The following CTNNA2 variants were observed in gnomAD, a reference collection of about 807,000 sequenced individuals.
CTNNA2 encodes the protein catenin alpha 2.
CTNNA2 carries 42 observed loss-of-function variants against 101.0 expected under a neutral mutation model. That is an observed-to-expected ratio of 0.42 (90% CI 0.32 to 0.54). The LOEUF (loss-of-function observed/expected upper bound fraction) is 0.54, where lower values mean the gene tolerates loss of function less well. CTNNA2 is among the 20% of genes least tolerant of loss of function. CTNNA2 has a pLI of 0.14. For synonymous variants in CTNNA2, 450 were observed against 456.4 expected, an observed-to-expected ratio of 0.99 and a Z score of 0.18; for missense variants, 871 against 1,223.1, an observed-to-expected ratio of 0.71 and a Z score of 4.29.
intron 7 of CTNNA2, among the ~76,000 whole-genome samples, chr2:80,182,636 T>C (rs1705853565): frequency 6.6e-6 from 1 of 151,378 alleles, no homozygotes. Flanking sequence ...TCAAATAGGG[T>C]GGTGTGATAG....
chr2:79,259,641 T>A (rs1674894442), intron 2 of CTNNA2, among the ~76,000 whole-genome samples: 1 of 151,754 alleles, frequency 6.6e-6, no homozygotes, highest in African/African-American at 2.4e-5. Context: ...AGGGGTGAGG[T>A]GGAGGGCACA....
intron 2 of CTNNA2, among the ~76,000 whole-genome samples, chr2:79,687,163 C>A (rs1474692333): frequency 6.6e-6 from 1 of 152,012 alleles, no homozygotes; most frequent in Non-Finnish European, 1.5e-5. Flanking sequence ...AGCAGGGAAT[C>A]AAGAGTGTTG....
chr2:80,480,903 G>C (rs1286923564), intron 9 of CTNNA2, among the ~76,000 whole-genome samples: 1 of 151,992 alleles, frequency 6.6e-6, no homozygotes, highest in Non-Finnish European at 1.5e-5. Flanking sequence ...ATAAATAAAT[G>C]ACTCCTAGGA....
chr2:79,571,423 C>A (rs1220034975), intron 1 of CTNNA2, among the ~76,000 whole-genome samples: 1 of 152,126 alleles, frequency 6.6e-6, no homozygotes, highest in African/African-American at 2.4e-5. Context: ...CTGTCAATAC[C>A]TGGAATGACA....
chr2:80,060,008 G>A (rs1156971229), intron 7 of CTNNA2, among the ~76,000 whole-genome samples: 6 of 152,160 alleles, frequency 3.9e-5, no homozygotes, highest in Non-Finnish European at 7.4e-5. Context: ...AAACTATTTA[G>A]GTACTGAATA....
chr2:79,731,544 G>A (rs1198200972), intron 2 of CTNNA2, among the ~76,000 whole-genome samples: 1 of 152,120 alleles, frequency 6.6e-6, no homozygotes, highest in Non-Finnish European at 1.5e-5. Context: ...GTGCTAGAGA[G>A]ATGTGAGTTC....
Position 79,607,705 on chromosome 2 carries a change from A to G in CTNNA2, c.-5-43847A>G, listed in dbSNP as rs141253493. ...GAACAACTCTAAAAGGAAATTATAA[A>G]ATGTTTTAAGTTGAATGAAAATTAA... is the stretch of plus-strand genomic sequence containing the variant. On this transcript the variant is annotated intron_variant, in intron 1 of 18. Transcript: ENST00000402739. 8.0e-4 allele frequency among the ~76,000 whole-genome samples: 122 copies of G among 152,212 alleles called. 1 individual carries two copies. The highest frequency in any genetic ancestry group is 2.8e-3 in the African/African-American group (117 of 41,560).
intron 4 of CTNNA2, among the ~76,000 whole-genome samples, chr2:79,454,085 A>G (rs1670787187): frequency 6.6e-6 from 1 of 152,174 alleles, no homozygotes; most frequent in Non-Finnish European, 1.5e-5. Flanking sequence ...ACCTAATCCT[A>G]GGTCATAGAC....
intron 7 of CTNNA2, among the ~76,000 whole-genome samples, chr2:80,276,778 C>A (rs919309991): frequency 5.3e-5 from 8 of 152,076 alleles, no homozygotes; most frequent in Admixed American, 1.3e-4. Context: ...GAGAATGGCA[C>A]CAACCCATTC....
At chr2:80,197,757 G>T (rs1706927676) in intron 7 of CTNNA2, among the ~76,000 whole-genome samples, 1 of 152,138 alleles carries the variant, frequency 6.6e-6, no homozygotes, top group Non-Finnish European at 1.5e-5. Context: ...CACTGATGTG[G>T]AATTATCTTC....
At chr2:79,238,110 T>C (rs1674579908) in intron 2 of CTNNA2, among the ~76,000 whole-genome samples, 2 of 152,202 alleles carry the variant, frequency 1.3e-5, no homozygotes, top group African/African-American at 4.8e-5. Flanking sequence ...TAGCTTTTGA[T>C]TTAAAGTGAG....
intron 8 of CTNNA2, among the ~76,000 whole-genome samples, chr2:80,400,062 T>C (rs1678415674): frequency 6.6e-6 from 1 of 152,204 alleles, no homozygotes; most frequent in Non-Finnish European, 1.5e-5. Flanking sequence ...GTGGTGCATC[T>C]ACCATTATGG....
At chr2:79,188,202 T>C (rs1673807242) in intron 1 of CTNNA2, among the ~76,000 whole-genome samples, 2 of 152,202 alleles carry the variant, frequency 1.3e-5, no homozygotes, top group African/African-American at 4.8e-5. Flanking sequence ...ATATATCTTA[T>C]GATGCATGAC....
At chr2:80,565,950 G>T (rs1470861401) in intron 12 of CTNNA2, among the ~76,000 whole-genome samples, 2 of 152,064 alleles carry the variant, frequency 1.3e-5, no homozygotes, top group South Asian at 2.1e-4. Context: ...TAAATATCAA[G>T]ATTCATTTAC....
chr2:80,226,878 G>A (rs1392597414), intron 7 of CTNNA2, among the ~76,000 whole-genome samples: 1 of 152,058 alleles, frequency 6.6e-6, no homozygotes, highest in Non-Finnish European at 1.5e-5. Flanking sequence ...CAGTGCATTT[G>A]TTCTGCCCTG....
At chr2:79,806,879 A>C in intron 3 of CTNNA2, among the ~76,000 whole-genome samples, 1 of 152,110 alleles carries the variant, frequency 6.6e-6, no homozygotes, top group East Asian at 1.9e-4. Context: ...TGATCAAGCT[A>C]AATGCCAAAT....
chr2:79,288,118 C>T (rs542082006), intron 2 of CTNNA2, among the ~76,000 whole-genome samples: 9 of 152,180 alleles, frequency 5.9e-5, no homozygotes, highest in Non-Finnish European at 8.8e-5. Context: ...GCGCATGGTG[C>T]GCGCACCCAC....
intron 2 of CTNNA2, among the ~76,000 whole-genome samples, chr2:79,205,031 C>A (rs187032039): frequency 7.2e-5 from 11 of 152,336 alleles, no homozygotes; most frequent in African/African-American, 2.6e-4. Context: ...GTTTTTCTCT[C>A]TTGAATATGG....
intron 7 of CTNNA2, among the ~76,000 whole-genome samples, chr2:80,282,222 T>G (rs1416761820): frequency 6.6e-6 from 1 of 152,166 alleles, no homozygotes; most frequent in Non-Finnish European, 1.5e-5. Context: ...TGAGTTATAT[T>G]TTCATTCACT....
Sources: allele counts gnomAD v4.1 joint callset (sites outside exome capture counted in the v4.1 genomes callset), GRCh38; gene constraint gnomAD v4.1.1; transcripts MANE v1.5; gene names NCBI Gene and HGNC (gene_info 2026-07-23, HGNC 2026-07-21).